Variants in PHACTR4 observed in about 807,000 individuals in gnomAD.
PHACTR4 encodes the protein phosphatase and actin regulator 4.
A neutral mutation model predicts 72.7 loss-of-function variants in PHACTR4; 51 were observed. The observed-to-expected ratio is 0.70, with a 90% CI of 0.56 to 0.89. The LOEUF (loss-of-function observed/expected upper bound fraction) is 0.89. Ranked by LOEUF, PHACTR4 falls within the 40% of genes least tolerant of loss-of-function variation. The probability of loss-of-function intolerance (pLI) is 0.00; values close to 1 mark genes in which losing one functional copy is unlikely to be tolerated. For synonymous variants in PHACTR4, 255 were observed against 302.5 expected, an observed-to-expected ratio of 0.84 and a Z score of 1.63; for missense variants, 731 against 861.8, an observed-to-expected ratio of 0.85 and a Z score of 1.90.
chr1:28,412,533 A>C (rs1331876899), intron 2 of PHACTR4, among the ~76,000 whole-genome samples: 1 of 152,180 alleles, frequency 6.6e-6, no homozygotes, highest in East Asian at 1.9e-4. Flanking sequence ...TTTATTTTTC[A>C]CTGTAACTGT....
chr1:28,409,803 G>A (rs1654633431), intron 2 of PHACTR4, among the ~76,000 whole-genome samples: 1 of 151,816 alleles, frequency 6.6e-6, no homozygotes, highest in African/African-American at 2.4e-5. Context: ...TGCTTTTAAC[G>A]ACCTTAGATA....
At chr1:28,481,913 T>C (rs1660310448) in intron 9 of PHACTR4, among the ~76,000 whole-genome samples, 1 of 152,130 alleles carries the variant, frequency 6.6e-6, no homozygotes, top group Admixed American at 6.6e-5. Flanking sequence ...TTATTTTATT[T>C]TTGAGATGGA....
At chr1:28,476,772 C>CT (rs35369238) in intron 8 of PHACTR4, among the ~76,000 whole-genome samples, 4,290 of 98,416 alleles carry the variant, frequency 0.044, 388 homozygotes, top group Non-Finnish European at 0.064. Context: ...CTAGCCTGTT[C>CT]TTTTTTTTTT....
chr1:28,468,411 T>C, intron 6 of PHACTR4, among the ~76,000 whole-genome samples: 1 of 152,110 alleles, frequency 6.6e-6, no homozygotes, highest in South Asian at 2.1e-4. Context: ...GCCAACATGG[T>C]GAAACGCCAT....
intron 2 of PHACTR4, among the ~76,000 whole-genome samples, chr1:28,437,340 C>T (rs2124397355): frequency 6.6e-6 from 1 of 152,308 alleles, no homozygotes; most frequent in Non-Finnish European, 1.5e-5. Context: ...CCTCCCACCT[C>T]ACCTCCCCTC....
At chr1:28,373,182 C>G (rs544851112) in intron 1 of PHACTR4, among the ~76,000 whole-genome samples, 24 of 152,172 alleles carry the variant, frequency 1.6e-4, no homozygotes, top group Admixed American at 9.2e-4. Flanking sequence ...TGGTCTTGAA[C>G]TCCTGGACTC....
At position 28,458,097 on chromosome 1, in the gene PHACTR4, GGTGTGTGTGTTTGTGTGTGT is replaced by G. The variant is rs1210393055; in HGVS notation, c.17-977_17-958del. Among the ~76,000 whole-genome samples the G allele has an allele frequency of 7.4e-3, 1,002 of 135,294 alleles. 12 individuals carry two copies. The highest frequency in any genetic ancestry group is 0.025 in the African/African-American group (932 of 36,614). The allele number at this position is 135,294 out of a possible 152,430, so 88.8% of individuals were successfully genotyped here. On this transcript the variant is annotated intron_variant, in intron 2 of 13. Transcript: ENST00000373839. ...TTTTATGTCAAATCCTTAATATTATGGTGTGTGTGTTTGTGTGTGTGTGTGTGTGTGTGTGTGTGTGTGTG... is the reference window on the plus strand; with the variant it reads ...TTTTATGTCAAATCCTTAATATTATGGTGTGTGTGTGTGTGTGTGTGTGTG...
rs564622352 is a variant in PHACTR4 at position 28,409,124 on chromosome 1, C to CTT, written c.16+1676_16+1677dup. ...TGTGTGGAACCCCTTTTCTTTCTTT[C>CTT]TTTTTTTTTTTTTTTTCCAAGACTG... On this transcript the variant is annotated intron_variant, in intron 2 of 13. Coordinates refer to ENST00000373839, the MANE Select transcript of PHACTR4 (RefSeq NM_001048183.3). 3.4e-3 allele frequency among the ~76,000 whole-genome samples: 455 copies of CTT among 133,072 alleles called. 5 individuals carry two copies. The highest frequency in any genetic ancestry group is 0.011 in the African/African-American group (407 of 36,212). 87.3% of individuals were successfully genotyped at this position (133,072 alleles called of 152,430 possible).
At chr1:28,385,490 C>T (rs1016068257) in intron 1 of PHACTR4, among the ~76,000 whole-genome samples, 1 of 142,866 alleles carries the variant, frequency 7.0e-6, no homozygotes, top group Admixed American at 7.2e-5. Flanking sequence ...TTGCAGTGAG[C>T]TGAGATCGTG....
At chr1:28,495,617 T>TTTA (rs1557855555) in intron 13 of PHACTR4, among the ~76,000 whole-genome samples, 5 of 150,028 alleles carry the variant, frequency 3.3e-5, no homozygotes, top group African/African-American at 1.2e-4. Context: ...TTATTTATTT[T>TTTA]TTTTTTTTTT....
At position 28,465,668 on chromosome 1, in the gene PHACTR4, C is replaced by A; in HGVS notation, c.272-17C>A. On this transcript the variant is annotated splice_polypyrimidine_tract_variant and intron_variant, in intron 4 of 13. Transcript: ENST00000373839. ...CATGCCAACTTCATCACTTTGTACT[C>A]TTCTTTCACCTTGCAGGTGGTGAGG... 1.2e-6 allele frequency: 2 copies of A among 1,608,212 alleles called. No homozygotes were observed. Among genetic ancestry groups the A allele is most frequent in the South Asian group, 1.1e-5 (1 of 89,964 alleles).
At chr1:28,397,750 C>T (rs1414891345) in intron 1 of PHACTR4, among the ~76,000 whole-genome samples, 2 of 147,826 alleles carry the variant, frequency 1.4e-5, no homozygotes, top group Non-Finnish European at 3.0e-5. Flanking sequence ...GGCTGGCGTG[C>T]AGTGGCGCAG....
intron 1 of PHACTR4, among the ~76,000 whole-genome samples, chr1:28,375,327 C>T (rs1303605277): frequency 7.5e-6 from 1 of 133,084 alleles, no homozygotes; most frequent in Admixed American, 7.4e-5. Flanking sequence ...CCCCACCCAC[C>T]CCCCCAAAAA....
intron 6 of PHACTR4, 127 bp from the exon 7 acceptor site, chr1:28,473,427 A>G: frequency 1.3e-6 from 1 of 752,700 alleles, no homozygotes; most frequent in Non-Finnish European, 2.2e-6. Context: ...AGGGAATGGC[A>G]AAACTATGAA....
At chr1:28,385,983 A>G (rs1180661572) in intron 1 of PHACTR4, among the ~76,000 whole-genome samples, 38 of 152,154 alleles carry the variant, frequency 2.5e-4, no homozygotes, top group Non-Finnish European at 2.4e-4. Context: ...ATTGTTTACT[A>G]TGATTTCAGT....
Position 28,369,764 on chromosome 1 carries a change from G to A in PHACTR4, c.-100G>A, listed in dbSNP as rs1215628981. ...CCGGCTGCTGCCTGGCGGCCAACGG[G>A]CCAGGTAGGATTTCCGGGAGAGGCT... On this transcript the variant is annotated 5_prime_UTR_variant, in exon 1 of 14. Transcript: ENST00000373839. The A allele has an allele frequency of 2.2e-6, 1 of 449,888 alleles. No individual in the cohort carries two copies. Among genetic ancestry groups the A allele is most frequent in the South Asian group, 1.6e-5 (1 of 63,526 alleles). The allele number at this position is 449,888 out of a possible 1,614,324, so 27.9% of individuals were successfully genotyped here. A position where few individuals can be genotyped will look rare whatever the true frequency, so the allele number is the denominator to read the frequency against.
chr1:28,454,857 C>T (rs1157157839), intron 2 of PHACTR4, among the ~76,000 whole-genome samples: 1 of 152,138 alleles, frequency 6.6e-6, no homozygotes, highest in Non-Finnish European at 1.5e-5. Flanking sequence ...GGCCTAAACA[C>T]TCCAATTATC....
intron 2 of PHACTR4, among the ~76,000 whole-genome samples, chr1:28,456,900 T>C (rs890259935): frequency 7.8e-6 from 1 of 128,296 alleles, no homozygotes; most frequent in Non-Finnish European, 1.7e-5. Flanking sequence ...AATAACTAGA[T>C]AAATAGATAG....
At chr1:28,483,334 G>A (rs1246483912) in intron 9 of PHACTR4, among the ~76,000 whole-genome samples, 3 of 151,756 alleles carry the variant, frequency 2.0e-5, no homozygotes, top group Non-Finnish European at 4.4e-5. Context: ...GGGGCTCAAG[G>A]TCGGCCCAGG....
Sources: allele counts gnomAD v4.1 joint callset (sites outside exome capture counted in the v4.1 genomes callset), GRCh38; gene constraint gnomAD v4.1.1; transcripts MANE v1.5; gene names NCBI Gene and HGNC (gene_info 2026-07-23, HGNC 2026-07-21).